PDE7B: variants seen among roughly 807,000 people sequenced by gnomAD.
PDE7B encodes 3',5'-cyclic-AMP phosphodiesterase 7B.
Under a neutral mutation model 56.2 loss-of-function variants are expected in PDE7B, and 29 were observed. The observed-to-expected ratio is 0.52, with a 90% CI of 0.38 to 0.70. PDE7B has a LOEUF of 0.70. PDE7B is among the 30% of genes least tolerant of loss of function. The pLI, the probability that PDE7B is intolerant of heterozygous loss-of-function variation, is 0.00. For missense variants in PDE7B, 490 were observed against 565.0 expected (o/e 0.87, Z 1.35); for synonymous variants, 197 against 196.9 (o/e 1.00, Z 0.00).
chr6:136,187,494 G>C (rs1222639549), intron 12 of PDE7B, among the ~76,000 whole-genome samples: 1 of 152,104 alleles, frequency 6.6e-6, no homozygotes, highest in Non-Finnish European at 1.5e-5. Context: ...CTTCCAATCT[G>C]GGTCGCTACC....
chr6:136,194,609 C>T lies in PDE7B; in HGVS notation c.*2769C>T, dbSNP rs1779284265. On this transcript the variant is annotated 3_prime_UTR_variant, in exon 13 of 13. Transcript: ENST00000308191. The stretch of plus-strand genomic sequence containing the variant: ...AGGAGTCCAATTACTAGTTAAAACA[C>T]TGGCGGGGTGCGGTGGCTCACGCCT... 1 of 152,206 alleles carries T rather than the reference C, an allele frequency of 6.6e-6. No homozygotes were observed. The highest frequency in any genetic ancestry group is 1.9e-4 in the East Asian group (1 of 5,184). The allele number at this position is 152,206 out of a possible 1,614,324, so 9.4% of individuals were successfully genotyped here.
In PDE7B at chr6:136,048,560, T is replaced by C. The variant is rs571081447; in HGVS notation, c.83-60171T>C. ...GGTATAAAATGAATCAGGGGAGGGC[T>C]AGGATAAGACTAGAAAGATAGGCTG... On this transcript the variant is annotated intron_variant, in intron 2 of 12. Transcript: ENST00000308191. 8.2e-4 allele frequency among the ~76,000 whole-genome samples: 125 copies of C among 152,158 alleles called. 1 individual carries two copies. Among genetic ancestry groups the C allele is most frequent in the African/African-American group, 2.9e-3 (121 of 41,520 alleles).
At chr6:136,003,931 A>G (rs201984615) in intron 2 of PDE7B, among the ~76,000 whole-genome samples, 20,530 of 151,618 alleles carry the variant, frequency 0.14, 2,824 homozygotes, top group African/African-American at 0.36. Flanking sequence ...ATCCTTGATG[A>G]ACATTGATGC....
chr6:136,195,455 G>GGAA lies in PDE7B; in HGVS notation c.*3615_*3616insGAA, dbSNP rs1314988051. The GGAA allele has an allele frequency of 1.9e-4, 13 of 68,970 alleles. No homozygotes were observed. The highest frequency in any genetic ancestry group is 5.6e-4 in the African/African-American group (13 of 23,278). The allele number at this position is 68,970 out of a possible 1,614,324, so 4.3% of individuals were successfully genotyped here. A position where few individuals can be genotyped will look rare whatever the true frequency, so the allele number is the denominator to read the frequency against. The stretch of plus-strand genomic sequence containing the variant: ...CATTTTGTATACACATGTGAGGTTT[G>GGAA]AAAAAAAAAAAAAAAAAAAAAAGAA... On this transcript the variant is annotated 3_prime_UTR_variant, in exon 13 of 13. Transcript: ENST00000308191.
intron 1 of PDE7B, among the ~76,000 whole-genome samples, chr6:135,927,461 T>C (rs1481588991): frequency 6.6e-6 from 1 of 152,204 alleles, no homozygotes; most frequent in Non-Finnish European, 1.5e-5. Context: ...GCATTGAATC[T>C]ATAAACTCTT....
At chr6:135,911,121 T>C (rs1776205059) in intron 1 of PDE7B, among the ~76,000 whole-genome samples, 1 of 152,180 alleles carries the variant, frequency 6.6e-6, no homozygotes, top group South Asian at 2.1e-4. Flanking sequence ...AGGGATTCAG[T>C]AATTACAATG....
intron 1 of PDE7B, among the ~76,000 whole-genome samples, chr6:135,901,065 C>T (rs1420323871): frequency 6.6e-6 from 1 of 152,136 alleles, no homozygotes; most frequent in Non-Finnish European, 1.5e-5. Flanking sequence ...CCATCACAGA[C>T]GTTTAACGAA....
chr6:135,921,090 C>G (rs893550115), intron 1 of PDE7B, among the ~76,000 whole-genome samples: 1 of 152,130 alleles, frequency 6.6e-6, no homozygotes, highest in Non-Finnish European at 1.5e-5. Flanking sequence ...CTATTAAAGT[C>G]AGTGAGTGTA....
chr6:135,935,204 A>ATATT (rs1774399454), intron 1 of PDE7B, among the ~76,000 whole-genome samples: 1 of 73,850 alleles, frequency 1.4e-5, no homozygotes, highest in African/African-American at 5.6e-5. Context: ...ATATATATAT[A>ATATT]TATATATATA....
At position 135,991,995 on chromosome 6, in the gene PDE7B, A is replaced by ATATATGTTAATCAAATGTTAT. The variant is rs1775487538; in HGVS notation, c.82+44477_82+44497dup. 4.6e-5 allele frequency: 7 copies of ATATATGTTAATCAAATGTTAT among 152,190 alleles called. No homozygotes were observed. The South Asian group carries it at 1.4e-3, about 32-fold the overall frequency. The allele number at this position is 152,190 out of a possible 1,614,324, so 9.4% of individuals were successfully genotyped here. ...TCCACAAAAGAGCTTCCTTGCTGAA[A>ATATATGTTAATCAAATGTTAT]TATATGTTAATCAAATGTTATTATA... On this transcript the variant is annotated intron_variant, in intron 2 of 12. Coordinates refer to ENST00000308191, the MANE Select transcript of PDE7B (RefSeq NM_018945.4).
At chr6:136,009,509 C>A (rs1583826376) in intron 2 of PDE7B, among the ~76,000 whole-genome samples, 6 of 151,962 alleles carry the variant, frequency 3.9e-5, no homozygotes, top group Admixed American at 2.0e-4. Flanking sequence ...CTTTTATTTC[C>A]TTGAGCAGTG....
At chr6:135,885,324 T>G (rs1224644147) in intron 1 of PDE7B, among the ~76,000 whole-genome samples, 1 of 105,418 alleles carries the variant, frequency 9.5e-6, no homozygotes, top group African/African-American at 5.5e-5. Context: ...GTTGCTTGTT[T>G]GTTGTTTTTT....
intron 1 of PDE7B, among the ~76,000 whole-genome samples, chr6:135,907,520 G>A (rs1776137251): frequency 6.6e-6 from 1 of 151,990 alleles, no homozygotes; most frequent in South Asian, 2.1e-4. Context: ...AGGAGAATTA[G>A]TCCAATACAA....
intron 2 of PDE7B, among the ~76,000 whole-genome samples, chr6:136,052,617 G>GCCCCCC (rs11400308): frequency 4.2e-5 from 6 of 142,794 alleles, no homozygotes; most frequent in African/African-American, 8.0e-5. Context: ...TTAGGGTACA[G>GCCCCCC]CCCCCCCCCA....
At chr6:135,925,962 A>G (rs1363480530) in intron 1 of PDE7B, among the ~76,000 whole-genome samples, 4 of 152,142 alleles carry the variant, frequency 2.6e-5, no homozygotes, top group Admixed American at 6.5e-5. Flanking sequence ...GGCCACTATA[A>G]TAGAAGACAG....
chr6:135,985,641 T>C (rs1775364634), intron 2 of PDE7B, among the ~76,000 whole-genome samples: 1 of 152,234 alleles, frequency 6.6e-6, no homozygotes. Flanking sequence ...AGGTGACAGA[T>C]ATTCATAGTT....
chr6:136,103,300 G>A lies in PDE7B; in HGVS notation c.83-5431G>A, dbSNP rs75413347. Among the ~76,000 whole-genome samples the A allele has an allele frequency of 6.5e-4, 99 of 152,290 alleles. 1 individual carries two copies. In the East Asian group the frequency reaches 0.015, roughly 23 times the overall value. On this transcript the variant is annotated intron_variant, in intron 2 of 12. Coordinates refer to ENST00000308191, the MANE Select transcript of PDE7B (RefSeq NM_018945.4). ...TCCCTCCTGTAAGATCATGGTACTC[G>A]GAACAATAATCTCTGCCTAAGTTAT...
At position 136,194,404 on chromosome 6, in the gene PDE7B, C is replaced by A. The variant is rs1286874165; in HGVS notation, c.*2564C>A. The A allele has an allele frequency of 6.6e-6, 1 of 152,214 alleles. No individual in the cohort carries two copies. Among genetic ancestry groups the A allele is most frequent in the South Asian group, 2.1e-4 (1 of 4,820 alleles). The allele number at this position is 152,214 out of a possible 1,614,324, so 9.4% of individuals were successfully genotyped here. Reference sequence around the variant, plus strand: ...CTACCAAATATCCAATGGGTAAGCCCATGATGTAGCCACTAGTACAATAAA... The same window carrying A: ...CTACCAAATATCCAATGGGTAAGCCAATGATGTAGCCACTAGTACAATAAA... On this transcript the variant is annotated 3_prime_UTR_variant, in exon 13 of 13. Transcript: ENST00000308191.
chr6:136,089,697 G>C (rs1562490241), intron 2 of PDE7B, among the ~76,000 whole-genome samples: 1 of 152,094 alleles, frequency 6.6e-6, no homozygotes, highest in Non-Finnish European at 1.5e-5. Context: ...TTTATATAGG[G>C]CATATTCCCA....
Sources: allele counts gnomAD v4.1 joint callset (sites outside exome capture counted in the v4.1 genomes callset), GRCh38; gene constraint gnomAD v4.1.1; transcripts MANE v1.5; gene names NCBI Gene and HGNC (gene_info 2026-07-23, HGNC 2026-07-21).